Variants in CACNA2D2 observed in about 807,000 individuals in gnomAD.
The protein encoded by CACNA2D2 is calcium voltage-gated channel auxiliary subunit alpha2delta 2.
Under a neutral mutation model 166.4 loss-of-function variants are expected in CACNA2D2, and 48 were observed. The observed-to-expected ratio is 0.29, with a 90% CI of 0.23 to 0.37. CACNA2D2 has a LOEUF of 0.37. CACNA2D2 is among the 10% of genes least tolerant of loss of function. The pLI is 1.00. For synonymous variants in CACNA2D2, 561 were observed against 573.7 expected (o/e 0.98, Z 0.32); for missense variants, 1,122 against 1,433.0 (o/e 0.78, Z 3.50).
chr3:50,443,882 T>C (rs2106929158), intron 2 of CACNA2D2, among the ~76,000 whole-genome samples: 1 of 152,268 alleles, frequency 6.6e-6, no homozygotes, highest in East Asian at 1.9e-4. Flanking sequence ...GGACCCTTGG[T>C]GGGCCAGGGG....
chr3:50,444,372 G>A (rs1031444379), intron 2 of CACNA2D2, among the ~76,000 whole-genome samples: 2 of 152,240 alleles, frequency 1.3e-5, no homozygotes, highest in Admixed American at 6.5e-5. Flanking sequence ...AAAAGCCATG[G>A]GTCTGAATTC....
intron 1 of CACNA2D2, among the ~76,000 whole-genome samples, chr3:50,478,754 T>G (rs62260819): frequency 1.3e-5 from 2 of 152,222 alleles, no homozygotes; most frequent in African/African-American, 4.8e-5. Flanking sequence ...TCACAAAAGC[T>G]GATTCTGTGC....
chr3:50,501,352 C>T (rs898112078), intron 1 of CACNA2D2, among the ~76,000 whole-genome samples: 7 of 152,006 alleles, frequency 4.6e-5, no homozygotes, highest in Non-Finnish European at 4.4e-5. Context: ...TAGTCACCTC[C>T]CCCTGGACCC....
At chr3:50,382,023 A>AC (rs1559894140) in intron 6 of CACNA2D2, among the ~76,000 whole-genome samples, 15 of 117,272 alleles carry the variant, frequency 1.3e-4, no homozygotes, top group African/African-American at 4.9e-4. Context: ...CACACACACA[A>AC]ACAAGGCTCC....
chr3:50,489,527 T>C (rs1042281035), intron 1 of CACNA2D2, among the ~76,000 whole-genome samples: 4 of 151,072 alleles, frequency 2.6e-5, no homozygotes, highest in African/African-American at 7.3e-5. Flanking sequence ...GCCCAAGGCA[T>C]GGTAAGTGCT....
At chr3:50,443,079 C>T (rs937138556) in intron 2 of CACNA2D2, among the ~76,000 whole-genome samples, 2 of 152,192 alleles carry the variant, frequency 1.3e-5, no homozygotes, top group Admixed American at 6.5e-5. Context: ...AGTTGGGAGC[C>T]GCCGGCTGTC....
intron 1 of CACNA2D2, among the ~76,000 whole-genome samples, chr3:50,493,716 G>A (rs1698610052): frequency 6.6e-6 from 1 of 152,238 alleles, no homozygotes; most frequent in South Asian, 2.1e-4. Context: ...GGGGGTCGCA[G>A]TCAGCTCAAT....
At chr3:50,412,862 A>T (rs1481070565) in intron 3 of CACNA2D2, among the ~76,000 whole-genome samples, 5 of 152,196 alleles carry the variant, frequency 3.3e-5, no homozygotes, top group African/African-American at 1.2e-4. Context: ...TCAGGGACTC[A>T]TGGTCAGAGA....
In CACNA2D2 at chr3:50,364,964, C is replaced by A; in HGVS notation, c.3215G>T (p.Gly1072Val). 6.2e-7 allele frequency: 1 copy of A among 1,612,818 alleles called. No individual in the cohort carries two copies. Among genetic ancestry groups the A allele is most frequent in the Non-Finnish European group, 8.5e-7 (1 of 1,179,782 alleles). The change falls in exon 37 of 38, where the codon GGC (glycine) becomes GTC (valine). Residue 1072 changes from glycine to valine, a missense_variant. This residue lies in a region of CACNA2D2 where 282 missense variants were observed against 266.2 expected (regional missense o/e 1.06). Coordinates refer to ENST00000424201, the MANE Select transcript of CACNA2D2 (RefSeq NM_006030.4). ...CTGCACTAGCTCACACTGCTCCGGG[C>A]CGTCCGCTGGGCATGGGTGGGGAGT... The part of the protein sequence containing the change: ...RLLQKETHSD[G>V]PEQCELVQRP...
chr3:50,451,318 G>A (rs944479801), intron 2 of CACNA2D2, among the ~76,000 whole-genome samples: 44 of 152,180 alleles, frequency 2.9e-4, no homozygotes, highest in African/African-American at 1.0e-3. Flanking sequence ...GTAAAGATGG[G>A]TTTCACCATA....
intron 4 of CACNA2D2, among the ~76,000 whole-genome samples, chr3:50,391,443 T>C (rs1366544489): frequency 6.6e-6 from 1 of 152,208 alleles, no homozygotes; most frequent in East Asian, 1.9e-4. Context: ...AGGTGGCCCC[T>C]CTTCATCTAT....
rs144645205 is a variant in CACNA2D2, at chr3:50,380,436, G to T, written c.842+312C>A. 2.0e-5 allele frequency among the ~76,000 whole-genome samples: 3 copies of T among 152,304 alleles called. No individual in the cohort carries two copies. In the East Asian group the frequency reaches 5.8e-4, roughly 29 times the overall value. ...GGGGAGGGATATCTGGGGCTCAGAC[G>T]GGTGGGGCAGGGACTGGCCAACCCT... On this transcript the variant is annotated intron_variant, in intron 8 of 37. Coordinates refer to ENST00000424201, the MANE Select transcript of CACNA2D2 (RefSeq NM_006030.4). This position sits in a 1 kb window ranked among gnomAD's most constrained non-coding sequence, Gnocchi z 4.9.
At chr3:50,496,809 T>G (rs1185947228) in intron 1 of CACNA2D2, among the ~76,000 whole-genome samples, 4 of 152,258 alleles carry the variant, frequency 2.6e-5, no homozygotes, top group South Asian at 4.2e-4. Flanking sequence ...AGAGTCTCAG[T>G]GCACACGAAG....
At chr3:50,476,783 C>G (rs1697796011) in intron 1 of CACNA2D2, among the ~76,000 whole-genome samples, 1 of 152,148 alleles carries the variant, frequency 6.6e-6, no homozygotes, top group African/African-American at 2.4e-5. Flanking sequence ...AGACGCTTAC[C>G]CGAGGCTCAT....
Position 50,363,505 on chromosome 3 carries a change from G to A in CACNA2D2, c.*1161C>T. 1 of 381,630 alleles carries A rather than the reference G, an allele frequency of 2.6e-6. No homozygotes were observed. Among genetic ancestry groups the A allele is most frequent in the Non-Finnish European group, 4.6e-6 (1 of 216,150 alleles). The allele number at this position is 381,630 out of a possible 1,614,324, so 23.6% of individuals were successfully genotyped here. On this transcript the variant is annotated 3_prime_UTR_variant, in exon 38 of 38. Transcript: ENST00000424201. ...GTGTGTGTGTGTTCAGCAAGGGAGG[G>A]ACAGTTTGGCCTCCTGCAAGCAGGG...
At chr3:50,443,184 C>G (rs534539798) in intron 2 of CACNA2D2, among the ~76,000 whole-genome samples, 1 of 152,206 alleles carries the variant, frequency 6.6e-6, no homozygotes, top group South Asian at 2.1e-4. Flanking sequence ...CAGAAGTCGC[C>G]GGGTGCGGCC....
At position 50,379,444 on chromosome 3, in the gene CACNA2D2, G is replaced by A; in HGVS notation, c.1140C>T (p.Asp380=). 6.2e-7 allele frequency: 1 copy of A among 1,613,728 alleles called. No homozygotes were observed. Among genetic ancestry groups the A allele is most frequent in the African/African-American group, 1.3e-5 (1 of 75,050 alleles). ...GYKAGFEYAF[D]QLQNSNITRA... The stretch of plus-strand genomic sequence containing the variant: ...CCATGGGGCTCACGTTCTGCAGCTG[G>A]TCAAAGGCATACTCAAAGCCGGCCT... The change falls in exon 11 of 38, where the codon GAC becomes GAT. Residue 380 remains aspartate (D), a synonymous_variant. Transcript: ENST00000424201. The surrounding 1 kb of genome is among the most constrained non-coding windows in gnomAD (Gnocchi z 6.5).
At chr3:50,498,898 C>T (rs1698839758) in intron 1 of CACNA2D2, among the ~76,000 whole-genome samples, 1 of 152,238 alleles carries the variant, frequency 6.6e-6, no homozygotes, top group East Asian at 1.9e-4. Context: ...CCCTGCCCTG[C>T]CTCTCATGGT....
intron 3 of CACNA2D2, among the ~76,000 whole-genome samples, chr3:50,412,077 T>C (rs1383415664): frequency 1.3e-5 from 2 of 152,230 alleles, no homozygotes; most frequent in Non-Finnish European, 2.9e-5. Flanking sequence ...GGTGAGCCCA[T>C]GGGCTCAGCT....
Sources: allele counts gnomAD v4.1 joint callset (sites outside exome capture counted in the v4.1 genomes callset), GRCh38; gene constraint gnomAD v4.1.1; regional missense constraint gnomAD v4.1.1; non-coding constraint Gnocchi (gnomAD v3.1); transcripts MANE v1.5; gene names NCBI Gene and HGNC (gene_info 2026-07-23, HGNC 2026-07-21).